Variants in WDPCP observed in about 807,000 individuals in gnomAD.
WDPCP encodes WD repeat containing planar cell polarity effector.
In WDPCP, 71 loss-of-function variants were observed where a neutral mutation model predicts 93.1. The observed-to-expected ratio is 0.76, with a 90% CI of 0.63 to 0.93. WDPCP has a LOEUF of 0.93. Among genes scored for constraint, WDPCP ranks in the 40% least tolerant of loss-of-function variants. The pLI, the probability that WDPCP is intolerant of heterozygous loss-of-function variation, is 0.00. For synonymous variants in WDPCP, 315 were observed against 315.0 expected (o/e 1.00, Z 0.00); for missense variants, 844 against 887.4 (o/e 0.95, Z 0.62).
intron 1 of WDPCP, among the ~76,000 whole-genome samples, chr2:63,551,583 A>G (rs544223083): frequency 6.6e-5 from 10 of 152,232 alleles, no homozygotes; most frequent in Admixed American, 4.6e-4. Context: ...AGAACCATGA[A>G]CCAAAATAAC....
At chr2:63,826,380 T>C (rs1174471252) in intron 1 of WDPCP, among the ~76,000 whole-genome samples, 2 of 151,458 alleles carry the variant, frequency 1.3e-5, no homozygotes, top group Admixed American at 1.3e-4. Context: ...TCTTCTGACT[T>C]AGCACAATTC....
At chr2:63,197,272 T>A (rs1370881593) in intron 14 of WDPCP, among the ~76,000 whole-genome samples, 4 of 152,176 alleles carry the variant, frequency 2.6e-5, no homozygotes, top group Non-Finnish European at 4.4e-5. Flanking sequence ...ATAATAAAAT[T>A]TTCTTTTTTT....
At chr2:63,666,727 C>G (rs1441429493) in intron 2 of WDPCP, among the ~76,000 whole-genome samples, 1 of 152,132 alleles carries the variant, frequency 6.6e-6, no homozygotes, top group East Asian at 1.9e-4. Flanking sequence ...TTCTACCCCA[C>G]CATTTTCATC....
At chr2:63,228,805 G>C (rs1678554807) in intron 14 of WDPCP, 1 of 152,040 alleles carries the variant, frequency 6.6e-6, no homozygotes, top group Admixed American at 6.6e-5. Flanking sequence ...GTGTATATGT[G>C]CCACATTTTC....
intron 10 of WDPCP, among the ~76,000 whole-genome samples, chr2:63,399,044 A>G (rs1185160426): frequency 1.3e-5 from 2 of 152,190 alleles, no homozygotes; most frequent in Non-Finnish European, 1.5e-5. Flanking sequence ...ACTTTGTAAT[A>G]AATATTAATC....
intron 4 of WDPCP, among the ~76,000 whole-genome samples, chr2:63,485,362 TAA>T (rs5831663): frequency 4.5e-4 from 57 of 125,976 alleles, no homozygotes; most frequent in African/African-American, 1.0e-3. Context: ...TACTCAGACC[TAA>T]AAAAAAAAAA....
chr2:63,477,367 A>ATATATAAATAG (rs1700030030), intron 6 of WDPCP, among the ~76,000 whole-genome samples: 1 of 152,188 alleles, frequency 6.6e-6, no homozygotes, highest in African/African-American at 2.4e-5. Flanking sequence ...AGCTGGTAAA[A>ATATATAAATAG]CTAAAACTAT....
intron 1 of WDPCP, among the ~76,000 whole-genome samples, chr2:63,533,426 A>G (rs563371769): frequency 2.0e-5 from 3 of 152,270 alleles, no homozygotes; most frequent in Admixed American, 6.5e-5. Context: ...GCATCACATC[A>G]CACTTATTCC....
At chr2:63,233,848 G>C (rs1485462075) in intron 14 of WDPCP, among the ~76,000 whole-genome samples, 8 of 152,214 alleles carry the variant, frequency 5.3e-5, no homozygotes, top group Admixed American at 2.6e-4. Context: ...AGGTTGATCT[G>C]GTGCCCAGCC....
intron 14 of WDPCP, among the ~76,000 whole-genome samples, chr2:63,199,065 G>C (rs755501044): frequency 6.6e-6 from 1 of 152,184 alleles, no homozygotes; most frequent in African/African-American, 2.4e-5. Context: ...TTCAACTTGA[G>C]AGTCATGATT....
At chr2:63,684,731 C>A in intron 2 of WDPCP, 8 of 608,862 alleles carry the variant, frequency 1.3e-5, no homozygotes, top group South Asian at 1.0e-4. Context: ...TTGTTTTGGT[C>A]ATTAAAAATT....
At chr2:63,585,803 G>C (rs572561395) in intron 1 of WDPCP, among the ~76,000 whole-genome samples, 1 of 150,318 alleles carries the variant, frequency 6.7e-6, no homozygotes, top group African/African-American at 2.4e-5. Flanking sequence ...ATATATGCTA[G>C]AGATAAAATT....
At chr2:63,778,758 T>C (rs1317198420) in intron 2 of WDPCP, among the ~76,000 whole-genome samples, 3 of 152,216 alleles carry the variant, frequency 2.0e-5, no homozygotes, top group African/African-American at 7.2e-5. Context: ...TTGATAAACA[T>C]AAATGTCTTA....
In WDPCP at chr2:63,212,789, G is replaced by C. The variant is rs1208526852; in HGVS notation, c.1916-37957C>G. Among the ~76,000 whole-genome samples the C allele has an allele frequency of 5.0e-5, 6 of 119,672 alleles. No individual in the cohort carries two copies. The East Asian group carries it at 1.3e-3, about 26-fold the overall frequency. 78.5% of individuals were successfully genotyped at this position (119,672 alleles called of 152,430 possible). ...TGGAGGAAGATCTACCACAAAAATG[G>C]AAAACAAAAAAAAAAAAAGCAGGGG... On this transcript the variant is annotated intron_variant, in intron 14 of 17. Coordinates refer to ENST00000272321, the MANE Select transcript of WDPCP (RefSeq NM_015910.7).
At chr2:63,606,074 A>T in intron 3 of WDPCP, 1 of 1,514,146 alleles carries the variant, frequency 6.6e-7, no homozygotes, top group Non-Finnish European at 9.2e-7. Context: ...AAGTAGTTAT[A>T]TGTTTCTCTT....
Position 63,597,587 on chromosome 2 carries a change from G to A in WDPCP, n.488+53072C>T, listed in dbSNP as rs552605471. The A allele has an allele frequency of 3.2e-4, 434 of 1,352,936 alleles. 7 individuals carry two copies. The South Asian group carries it at 9.0e-3, about 28-fold the overall frequency. 83.8% of individuals were successfully genotyped at this position (1,352,936 alleles called of 1,614,324 possible). A position where few individuals can be genotyped will look rare whatever the true frequency, so the allele number is the denominator to read the frequency against. On this transcript the variant is annotated intron_variant and non_coding_transcript_variant, in intron 3 of 4. Transcript: ENST00000467687. ...GAAGTCAGTTAAGGTGACCAATGCT[G>A]TATTTTATGGGATTTTTCATTATTA... is the stretch of plus-strand genomic sequence containing the variant.
chr2:63,813,240 A>C (rs2104096581), intron 2 of WDPCP, among the ~76,000 whole-genome samples: 1 of 152,304 alleles, frequency 6.6e-6, no homozygotes, highest in South Asian at 2.1e-4. Flanking sequence ...GTGAAGGCCT[A>C]AACCAGAAAA....
intron 4 of WDPCP, among the ~76,000 whole-genome samples, chr2:63,485,269 T>C (rs1199318077): frequency 6.6e-6 from 1 of 151,714 alleles, no homozygotes; most frequent in South Asian, 2.1e-4. Flanking sequence ...TAATTCATGG[T>C]AAATGATGTA....
chr2:63,711,187 C>T (rs1669257340), intron 2 of WDPCP, among the ~76,000 whole-genome samples: 1 of 152,006 alleles, frequency 6.6e-6, no homozygotes, highest in Non-Finnish European at 1.5e-5. Context: ...CAGTGGGCTT[C>T]AGTGGGTAGA....
Sources: gnomAD v4.1 joint callset for allele counts (sites outside exome capture counted in the v4.1 genomes callset) on GRCh38, gnomAD v4.1.1 for gene constraint, MANE v1.5 for transcripts, NCBI Gene and HGNC (gene_info 2026-07-23, HGNC 2026-07-21) for gene names.